PTPRD: variants seen among roughly 807,000 people sequenced by gnomAD.
PTPRD encodes the protein receptor-type tyrosine-protein phosphatase delta.
PTPRD carries 34 observed loss-of-function variants against 214.5 expected under a neutral mutation model. The observed-to-expected ratio is 0.16, with a 90% CI of 0.12 to 0.21. PTPRD has a LOEUF of 0.21. Ranked by LOEUF, PTPRD falls within the 10% of genes least tolerant of loss-of-function variation. The pLI is 1.00. For synonymous variants in PTPRD, 1,128 were observed against 845.7 expected (o/e 1.33, Z -5.79); for missense variants, 2,545 against 2,398.7 (o/e 1.06, Z -1.27).
intron 7 of PTPRD, among the ~76,000 whole-genome samples, chr9:9,722,556 T>A (rs1010318888): frequency 3.3e-5 from 5 of 152,096 alleles, no homozygotes; most frequent in Admixed American, 3.3e-4. Flanking sequence ...TATAGACATA[T>A]ATTTTCATTT....
intron 2 of PTPRD, among the ~76,000 whole-genome samples, chr9:10,476,029 C>G (rs1211511941): frequency 6.6e-6 from 1 of 152,040 alleles, no homozygotes; most frequent in Admixed American, 6.6e-5. Context: ...CAATATCATA[C>G]TGAATGGGGA....
intron 4 of PTPRD, among the ~76,000 whole-genome samples, chr9:9,964,468 G>C (rs189095514): frequency 2.6e-5 from 4 of 152,226 alleles, no homozygotes; most frequent in African/African-American, 7.2e-5. Context: ...ATCTAAAGAA[G>C]CTTAGCAGGA....
chr9:10,186,948 A>C lies in PTPRD; in HGVS notation c.-544-153158T>G, dbSNP rs73398303. ...GATTAATGTTCTTGAGAGCAGTAAC[A>C]GTCCTATTACTCACTCATCATACCA... is the stretch of plus-strand genomic sequence containing the variant. On this transcript the variant is annotated intron_variant, in intron 3 of 45. Transcript: ENST00000381196. Among the ~76,000 whole-genome samples the C allele has an allele frequency of 7.6e-3, 1,159 of 152,292 alleles. 9 individuals are homozygous for C. The highest frequency in any genetic ancestry group is 0.026 in the African/African-American group (1,101 of 41,572).
rs996003755 is a variant in PTPRD, at chr9:9,505,506, G to C, written c.-237+69226C>G. 2.0e-5 allele frequency among the ~76,000 whole-genome samples: 3 copies of C among 151,448 alleles called. 1 individual carries two copies. Among genetic ancestry groups the C allele is most frequent in the Non-Finnish European group, 4.4e-5 (3 of 67,640 alleles). On this transcript the variant is annotated intron_variant, in intron 8 of 45. Transcript: ENST00000381196. ...AAATTTGATGCCAGATTTAGTATCA[G>C]AGAAACGTGTAGCTGTCATTATTAT...
At chr9:9,575,971 C>A (rs987806098) in intron 7 of PTPRD, among the ~76,000 whole-genome samples, 3 of 151,916 alleles carry the variant, frequency 2.0e-5, no homozygotes, top group African/African-American at 7.3e-5. Flanking sequence ...GTAGTACTTG[C>A]AAACTCTTTA....
intron 11 of PTPRD, among the ~76,000 whole-genome samples, chr9:8,770,269 G>C (rs1002063247): frequency 6.6e-6 from 1 of 151,838 alleles, no homozygotes; most frequent in Non-Finnish European, 1.5e-5. Context: ...GGATGACAGA[G>C]CTAGATTCCG....
intron 11 of PTPRD, among the ~76,000 whole-genome samples, chr9:8,947,235 G>C (rs757256804): frequency 6.6e-6 from 1 of 151,308 alleles, no homozygotes; most frequent in East Asian, 1.9e-4. Flanking sequence ...AGGCCAAGGT[G>C]GGTGGATCAT....
intron 35 of PTPRD, among the ~76,000 whole-genome samples, 165 bp downstream of exon 35, chr9:8,436,427 C>T (rs1018331063): frequency 6.6e-6 from 1 of 152,096 alleles, no homozygotes; most frequent in Admixed American, 6.5e-5. Context: ...TACTATATTG[C>T]TTGTGCAGAC....
intron 8 of PTPRD, among the ~76,000 whole-genome samples, chr9:9,515,399 T>A (rs1004581964): frequency 3.3e-5 from 5 of 152,122 alleles, no homozygotes; most frequent in Non-Finnish European, 5.9e-5. Flanking sequence ...CTATTCCCAA[T>A]GCAGAGAATG....
intron 4 of PTPRD, among the ~76,000 whole-genome samples, chr9:9,946,589 G>T (rs753688177): frequency 2.9e-4 from 44 of 152,004 alleles, no homozygotes; most frequent in Non-Finnish European, 5.4e-4. Context: ...TTTTTGCAAA[G>T]GGAAACATAT....
chr9:10,141,857 C>T (rs1386904993), intron 3 of PTPRD, among the ~76,000 whole-genome samples: 3 of 152,136 alleles, frequency 2.0e-5, no homozygotes, highest in Non-Finnish European at 1.5e-5. Context: ...AACTATGCTA[C>T]AAGGCTACAG....
At chr9:8,687,314 C>T (rs1481422533) in intron 12 of PTPRD, among the ~76,000 whole-genome samples, 1 of 152,164 alleles carries the variant, frequency 6.6e-6, no homozygotes, top group African/African-American at 2.4e-5. Flanking sequence ...TGGCTTCTCT[C>T]AAAACTCTGC....
chr9:8,764,914 G>C (rs1234790446), intron 11 of PTPRD, among the ~76,000 whole-genome samples: 1 of 152,002 alleles, frequency 6.6e-6, no homozygotes, highest in Non-Finnish European at 1.5e-5. Context: ...CACATCTCAT[G>C]ATTGGGCATG....
chr9:10,561,066 C>G (rs2063840195), intron 2 of PTPRD, among the ~76,000 whole-genome samples: 1 of 152,008 alleles, frequency 6.6e-6, no homozygotes, highest in African/African-American at 2.4e-5. Context: ...AATACTAATT[C>G]CATGAATATA....
chr9:9,770,748 C>A (rs10977964), intron 5 of PTPRD, among the ~76,000 whole-genome samples: 8,980 of 151,966 alleles, frequency 0.059, 713 homozygotes, highest in East Asian at 0.38. Flanking sequence ...GGTTGAAAAT[C>A]TGGAGAAAAA....
At chr9:9,860,038 T>C (rs2062383466) in intron 5 of PTPRD, among the ~76,000 whole-genome samples, 1 of 152,218 alleles carries the variant, frequency 6.6e-6, no homozygotes, top group Admixed American at 6.5e-5. Context: ...TCCTGCATTA[T>C]TTAAAAATAA....
chr9:8,976,009 G>A lies in PTPRD; in HGVS notation c.-104+42688C>T, dbSNP rs558836603. Among the ~76,000 whole-genome samples, 8 of 151,950 alleles carry A rather than the reference G, an allele frequency of 5.3e-5. No individual in the cohort carries two copies. In the East Asian group the frequency reaches 1.6e-3, roughly 29 times the overall value. On this transcript the variant is annotated intron_variant, in intron 11 of 45. Transcript: ENST00000381196. ...AATTTGCTTCCACTTTGCCATTACT[G>A]TAAAACATCTGTAAGATGATACGTT...
chr9:9,722,721 C>A (rs1446887638), intron 7 of PTPRD, among the ~76,000 whole-genome samples: 2 of 152,082 alleles, frequency 1.3e-5, no homozygotes. Flanking sequence ...ACATCCTTGA[C>A]AACACTTAAT....
chr9:8,317,655 C>G lies in PTPRD; in HGVS notation c.*219G>C. ...AAAATCCTTCAGATGCCTCATCAGT[C>G]AGGATTCTCTTCATTATTTTTCAGG... On this transcript the variant is annotated 3_prime_UTR_variant, in exon 46 of 46. Transcript: ENST00000381196. 2.5e-6 allele frequency: 1 copy of G among 395,752 alleles called. No individual in the cohort carries two copies. Among genetic ancestry groups the G allele is most frequent in the Non-Finnish European group, 4.7e-6 (1 of 213,312 alleles). The allele number at this position is 395,752 out of a possible 1,614,324, so 24.5% of individuals were successfully genotyped here.
Sources: allele counts gnomAD v4.1 joint callset (sites outside exome capture counted in the v4.1 genomes callset), GRCh38; gene constraint gnomAD v4.1.1; transcripts MANE v1.5; gene names NCBI Gene and HGNC (gene_info 2026-07-23, HGNC 2026-07-21).